The following TMEM131 variants were observed in gnomAD, a reference collection of about 807,000 sequenced individuals.
The protein encoded by TMEM131 is 2610524E03Rik.
A neutral mutation model predicts 211.6 loss-of-function variants in TMEM131; 66 were observed. That is an observed-to-expected ratio of 0.31 (90% CI 0.26 to 0.38). TMEM131 has a LOEUF of 0.38. Ranked by LOEUF, TMEM131 falls within the 10% of genes least tolerant of loss-of-function variation. TMEM131 has a pLI of 1.00. For missense variants in TMEM131, 2,036 were observed against 2,299.3 expected (o/e 0.89, Z 2.34); for synonymous variants, 844 against 841.3 (o/e 1.00, Z -0.06).
At chr2:97,809,304 T>C (rs551805569) in intron 19 of TMEM131, among the ~76,000 whole-genome samples, 8 of 152,352 alleles carry the variant, frequency 5.3e-5, no homozygotes, top group Non-Finnish European at 8.8e-5. Context: ...TGCATCCCTG[T>C]TGAGCTTGCG....
chr2:97,838,265 G>A (rs762610835), intron 7 of TMEM131, among the ~76,000 whole-genome samples: 1 of 151,914 alleles, frequency 6.6e-6, no homozygotes. Context: ...TTAAAGGTAA[G>A]CTAACCCTAA....
chr2:97,932,644 A>T (rs369448660), intron 1 of TMEM131, among the ~76,000 whole-genome samples: 1 of 152,348 alleles, frequency 6.6e-6, no homozygotes, highest in East Asian at 1.9e-4. Context: ...AATCTAAGTC[A>T]TCTAAAAAGA....
chr2:97,912,773 C>T (rs1676338679), intron 2 of TMEM131, among the ~76,000 whole-genome samples: 1 of 152,146 alleles, frequency 6.6e-6, no homozygotes, highest in Non-Finnish European at 1.5e-5. Flanking sequence ...CAGCTTCAAC[C>T]TCGCTCCTCA....
chr2:97,942,966 AAG>A (rs1677814007), intron 1 of TMEM131, among the ~76,000 whole-genome samples: 1 of 144,556 alleles, frequency 6.9e-6, no homozygotes, highest in African/African-American at 2.6e-5. Context: ...TACAAAAAAA[AAG>A]AAAGAAAGAA....
chr2:97,977,297 G>C (rs1679584790), intron 1 of TMEM131, among the ~76,000 whole-genome samples: 1 of 152,120 alleles, frequency 6.6e-6, no homozygotes, highest in African/African-American at 2.4e-5. Context: ...AACATATAAA[G>C]AACTCTCAAA....
intron 31 of TMEM131, among the ~76,000 whole-genome samples, 154 bp from the exon 32 acceptor site, chr2:97,776,172 G>C (rs1299693885): frequency 6.6e-6 from 1 of 152,040 alleles, no homozygotes; most frequent in Non-Finnish European, 1.5e-5. Flanking sequence ...TCCTGCCTCA[G>C]CCTCCTGAGT....
At chr2:97,934,707 C>T (rs114806987) in intron 1 of TMEM131, among the ~76,000 whole-genome samples, 1,817 of 152,208 alleles carry the variant, frequency 0.012, 40 homozygotes, top group African/African-American at 0.041. Flanking sequence ...AGAAACAGAA[C>T]CATATATGCC....
intron 3 of TMEM131, among the ~76,000 whole-genome samples, chr2:97,899,158 T>C (rs1675743033): frequency 6.6e-6 from 1 of 152,184 alleles, no homozygotes; most frequent in African/African-American, 2.4e-5. Flanking sequence ...TGTCCTTCTT[T>C]ATCTCTGATA....
chr2:97,911,534 G>T, intron 2 of TMEM131: 1 of 623,806 alleles, frequency 1.6e-6, no homozygotes, highest in Non-Finnish European at 2.0e-6. Context: ...CTCAGGACGT[G>T]TATCACTCAT....
chr2:97,977,292 A>G (rs1240471314), intron 1 of TMEM131, among the ~76,000 whole-genome samples: 1 of 152,252 alleles, frequency 6.6e-6, no homozygotes, highest in African/African-American at 2.4e-5. Flanking sequence ...CCCAGAACAT[A>G]TAAAGAACTC....
At chr2:97,845,490 C>T (rs11690737) in intron 5 of TMEM131, among the ~76,000 whole-genome samples, 50,901 of 151,754 alleles carry the variant, frequency 0.34, 9,357 homozygotes, top group Non-Finnish European at 0.39. Context: ...AAATAAGCCA[C>T]GGGTGAAATG....
intron 5 of TMEM131, among the ~76,000 whole-genome samples, chr2:97,845,701 T>A (rs1683393069): frequency 8.2e-6 from 1 of 121,458 alleles, no homozygotes; most frequent in African/African-American, 3.1e-5. Context: ...AAACCCAGAG[T>A]AAGCAAAAGG....
At chr2:97,978,111 TA>T (rs1267355459) in intron 1 of TMEM131, among the ~76,000 whole-genome samples, 1 of 151,874 alleles carries the variant, frequency 6.6e-6, no homozygotes, top group East Asian at 1.9e-4. Context: ...TAATAAATAA[TA>T]ATAATAAAAA....
intron 1 of TMEM131, among the ~76,000 whole-genome samples, chr2:97,939,726 AG>A (rs139636642): frequency 0.024 from 3,585 of 152,278 alleles, 151 homozygotes; most frequent in African/African-American, 0.083. Flanking sequence ...CAGGAAAAAA[AG>A]AATTTTAGAC....
chr2:97,798,626 T>C (rs1680882394), intron 25 of TMEM131, among the ~76,000 whole-genome samples: 2 of 152,248 alleles, frequency 1.3e-5, no homozygotes, highest in Non-Finnish European at 2.9e-5. Flanking sequence ...CAAGTAGCAG[T>C]TGGCCACTGT....
At chr2:97,833,942 C>T (rs1682824372) in intron 10 of TMEM131, among the ~76,000 whole-genome samples, 1 of 152,188 alleles carries the variant, frequency 6.6e-6, no homozygotes, top group Non-Finnish European at 1.5e-5. Context: ...GGATTATAGG[C>T]ATGAGCCATC....
chr2:97,805,598 G>C lies in TMEM131; in HGVS notation c.2161C>G (p.Arg721Gly), dbSNP rs1021258343. Residue 721 changes from arginine to glycine, a missense_variant, in exon 20 of 41, where the codon CGA becomes GGA. By Grantham distance (125) the Arg-to-Gly change is moderately radical (BLOSUM62 -2). Transcript: ENST00000186436. The part of the protein sequence containing the change: ...LSEDVRFYYK[R>G]LRGNKEDLEP... Reference sequence around the variant, plus strand: ...AAGTCTTCCTTATTGCCCCGTAATCGTTTATAGTAAAATCGCACATCTTCT... The same window carrying C: ...AAGTCTTCCTTATTGCCCCGTAATCCTTTATAGTAAAATCGCACATCTTCT... 5 of 1,611,116 alleles carry C rather than the reference G, an allele frequency of 3.1e-6. No homozygotes were observed. Among genetic ancestry groups the C allele is most frequent in the Non-Finnish European group, 2.5e-6 (3 of 1,177,910 alleles).
intron 1 of TMEM131, among the ~76,000 whole-genome samples, chr2:97,966,183 T>C (rs933531191): frequency 1.3e-5 from 2 of 151,734 alleles, no homozygotes; most frequent in South Asian, 2.1e-4. Context: ...ACACTGAACA[T>C]GTAAGCCTCA....
intron 4 of TMEM131, among the ~76,000 whole-genome samples, chr2:97,881,905 T>C (rs1401507823): frequency 6.6e-6 from 1 of 152,200 alleles, no homozygotes; most frequent in Non-Finnish European, 1.5e-5. Flanking sequence ...CAACAAGTTG[T>C]ATGCTTCTGA....
Sources: gnomAD v4.1 joint callset for allele counts (sites outside exome capture counted in the v4.1 genomes callset) on GRCh38, gnomAD v4.1.1 for gene constraint, MANE v1.5 for transcripts, NCBI Gene and HGNC (gene_info 2026-07-23, HGNC 2026-07-21) for gene names.